PCK2: variants seen among roughly 807,000 people sequenced by gnomAD.
The protein encoded by PCK2 is phosphoenolpyruvate carboxykinase [GTP], mitochondrial.
PCK2 carries 56 observed loss-of-function variants against 65.9 expected under a neutral mutation model. The ratio of observed to expected loss-of-function variants is 0.85; its 90% CI spans 0.69 to 1.06. The LOEUF (loss-of-function observed/expected upper bound fraction) is 1.06, where lower values mean the gene tolerates loss of function less well. Among genes scored for constraint, PCK2 ranks in the 50% least tolerant of loss-of-function variants. The pLI, the probability that PCK2 is intolerant of heterozygous loss-of-function variation, is 0.00. For synonymous variants in PCK2, 305 were observed against 319.6 expected, an observed-to-expected ratio of 0.95 and a Z score of 0.49; for missense variants, 843 against 863.1, an observed-to-expected ratio of 0.98 and a Z score of 0.29.
chr14:24,094,291 G>A (rs1283835572), upstream of PCK2: 4 of 1,044,046 alleles, frequency 3.8e-6, no homozygotes, highest in African/African-American at 1.7e-5. The surrounding 1 kb of genome is among the most constrained non-coding windows in gnomAD (Gnocchi z 4.1). Flanking sequence ...CTTTTTAAGC[G>A]CCTCCCGCCA....
At chr14:24,098,998 C>A (rs1404938515) in intron 4 of PCK2, 51 bp from the exon 5 acceptor site, 3 of 1,436,854 alleles carry the variant, frequency 2.1e-6, no homozygotes, top group East Asian at 4.6e-5. Flanking sequence ...GGCCCCGACA[C>A]CCCAGTTCCT....
At position 24,094,322 on chromosome 14, in the gene PCK2, C is replaced by T. The variant is rs2138918336; in HGVS notation, c.-84C>T. 1 of 1,376,080 alleles carries T rather than the reference C, an allele frequency of 7.3e-7. No homozygotes were observed. Among genetic ancestry groups the T allele is most frequent in the East Asian group, 2.6e-5 (1 of 38,140 alleles). 85.2% of individuals were successfully genotyped at this position (1,376,080 alleles called of 1,614,324 possible). ...CGCCAGCCTCTGCTGTGGCTCGCTT[C>T]GCCGCGCTCCCTCCTTCCCCGCCTT... On this transcript the variant is annotated 5_prime_UTR_variant, in exon 1 of 10. Transcript: ENST00000216780. This position sits in a 1 kb window ranked among gnomAD's most constrained non-coding sequence, Gnocchi z 4.1.
In PCK2 at chr14:24,094,928, TG is replaced by T; in HGVS notation, c.29+496del. The stretch of plus-strand genomic sequence containing the variant: ...TATCCATTCCCGGCCTCTCCCGGAC[TG>T]GAAGGACTGGAACCTGGCGGGAAGT... On this transcript the variant is annotated intron_variant, in intron 1 of 9. Transcript: ENST00000216780. The surrounding 1 kb of genome is among the most constrained non-coding windows in gnomAD (Gnocchi z 4.1). 1.8e-6 allele frequency: 2 copies of T among 1,085,428 alleles called. No homozygotes were observed. The highest frequency in any genetic ancestry group is 2.5e-6 in the Non-Finnish European group (2 of 809,200). 67.2% of individuals were successfully genotyped at this position (1,085,428 alleles called of 1,614,324 possible). A position where few individuals can be genotyped will look rare whatever the true frequency, so the allele number is the denominator to read the frequency against.
chr14:24,099,288 G>A (rs2037053519), intron 5 of PCK2, 52 bp downstream of exon 5: 1 of 1,522,436 alleles, frequency 6.6e-7, no homozygotes, highest in Non-Finnish European at 8.9e-7. Flanking sequence ...GCAGGGGTGG[G>A]GCCTGGCCAG....
chr14:24,099,508 C>T (rs780441442), intron 5 of PCK2, 50 bp from the exon 6 acceptor site: 2 of 1,523,084 alleles, frequency 1.3e-6, no homozygotes, highest in East Asian at 2.3e-5. Flanking sequence ...GCAGACCATG[C>T]CCTGACTTTT....
intron 2 of PCK2, 150 bp downstream of exon 2, chr14:24,097,287 A>G: frequency 1.3e-6 from 1 of 750,462 alleles, no homozygotes; most frequent in East Asian, 2.7e-5. Flanking sequence ...GGATTTGCTT[A>G]CGCCTATAAT....
At chr14:24,096,863 C>T (rs992061613) in intron 1 of PCK2, 29 bp from the exon 2 acceptor site, 1 of 1,598,500 alleles carries the variant, frequency 6.3e-7, no homozygotes, top group Admixed American at 1.7e-5. Flanking sequence ...ATGACAGCAA[C>T]TAGCTCATTG....
intron 1 of PCK2, chr14:24,095,489 G>A (rs1273549901): frequency 6.5e-6 from 2 of 309,982 alleles, no homozygotes; most frequent in South Asian, 2.6e-5. Flanking sequence ...CCGTATCCAT[G>A]CTCTGAGCTT....
Position 24,098,369 on chromosome 14 carries a change from T to C in PCK2, c.442T>C (p.Phe148Leu). ...ADFQRAVDERFPGCMQGRTMY... is the reference protein window; with the variant it reads ...ADFQRAVDERLPGCMQGRTMY... ...TTTCCAGCGAGCTGTGGATGAGAGG[T>C]TTCCAGGCTGCATGCAGGGTAACCA... The change falls in exon 3 of 10, where the codon TTT (phenylalanine) becomes CTT (leucine). Residue 148 changes from phenylalanine (F) to leucine (L), a missense_variant. By Grantham distance (22) the Phe-to-Leu change is conservative (BLOSUM62 0). Transcript: ENST00000216780. The C allele has an allele frequency of 1.9e-6, 3 of 1,612,326 alleles. No individual in the cohort carries two copies. The highest frequency in any genetic ancestry group is 2.5e-6 in the Non-Finnish European group (3 of 1,178,796).
intron 7 of PCK2, 165 bp downstream of exon 7, chr14:24,100,378 A>G: frequency 1.4e-6 from 2 of 1,404,940 alleles, no homozygotes; most frequent in Non-Finnish European, 1.9e-6. Context: ...TTCATGTCCC[A>G]ACTCCACCAG....
At chr14:24,096,719 C>T (rs1217723793) in intron 1 of PCK2, among the ~76,000 whole-genome samples, 173 bp from the exon 2 acceptor site, 4 of 152,194 alleles carry the variant, frequency 2.6e-5, no homozygotes, top group Admixed American at 2.6e-4. Flanking sequence ...ATAAAGGCTA[C>T]AAGATACATG....
intron 1 of PCK2, among the ~76,000 whole-genome samples, chr14:24,096,228 C>CTTTTTT (rs34592767): frequency 5.1e-4 from 30 of 58,882 alleles, no homozygotes; most frequent in South Asian, 1.0e-3. Context: ...CTACTCATTT[C>CTTTTTT]TTTTTTTTTT....
chr14:24,100,670 A>T lies in PCK2; in HGVS notation c.1234+457A>T, dbSNP rs1041133535. 4.3e-6 allele frequency: 3 copies of T among 695,438 alleles called. No homozygotes were observed. In the African/African-American group the frequency reaches 5.8e-5, roughly 13 times the overall value. The allele number at this position is 695,438 out of a possible 1,614,324, so 43.1% of individuals were successfully genotyped here. ...TCCATAAAGTTTGGCCCATTAGGAAAAGAGGAAAGCTGCCTCCTCTGCTCC... is the reference window on the plus strand; with the variant it reads ...TCCATAAAGTTTGGCCCATTAGGAATAGAGGAAAGCTGCCTCCTCTGCTCC... On this transcript the variant is annotated intron_variant, in intron 7 of 9. Coordinates refer to ENST00000216780, the MANE Select transcript of PCK2 (RefSeq NM_004563.4).
At position 24,098,604 on chromosome 14, in the gene PCK2, C is replaced by T. The variant is rs1223056560; in HGVS notation, c.590C>T (p.Pro197Leu). The part of the protein sequence containing the change: ...SMRIMTRLGT[P>L]VLQALGDGDF... ...CGTATTATGACCCGACTGGGGACAC[C>T]TGTGCTTCAGGCCCTGGGAGATGGT... The change falls in exon 4 of 10, where the codon CCT becomes CTT. Residue 197 changes from proline (P) to leucine (L), a missense_variant. Pro to Leu is a moderately conservative substitution (Grantham distance 98, BLOSUM62 -3). Transcript: ENST00000216780. 6.2e-6 allele frequency: 10 copies of T among 1,613,998 alleles called. No individual in the cohort carries two copies. Among genetic ancestry groups the T allele is most frequent in the Non-Finnish European group, 8.5e-6 (10 of 1,180,024 alleles).
intron 7 of PCK2, 74 bp from the exon 8 acceptor site, chr14:24,102,679 T>G: frequency 8.0e-7 from 1 of 1,250,752 alleles, no homozygotes; most frequent in Non-Finnish European, 1.1e-6. Context: ...CCTGCAAGAA[T>G]GTGTGCCCAT....
Position 24,102,849 on chromosome 14 carries a change from TC to T in PCK2, c.1335del (p.Ile446LeufsTer71). Reference sequence around the variant, plus strand: ...CCAGCCTGGGAGGCCCCAGAGGGTGTCCCCATTGACGCCATCATCTTTGGTG... The same window carrying T: ...CCAGCCTGGGAGGCCCCAGAGGGTGTCCCATTGACGCCATCATCTTTGGTG... ...MDPAWEAPEGVPIDAIIFGGR... is the reference protein window; with the variant it reads ...MDPAWEAPEGXPIDAIIFGGR... On this transcript the variant is annotated frameshift_variant, in exon 8 of 10. Transcript: ENST00000216780. LOFTEE classifies it high-confidence loss of function. 1 of 1,613,950 alleles carries T rather than the reference TC, an allele frequency of 6.2e-7. No homozygotes were observed. The highest frequency in any genetic ancestry group is 1.1e-5 in the South Asian group (1 of 91,064).
chr14:24,102,374 A>G (rs796688537), intron 7 of PCK2, among the ~76,000 whole-genome samples: 7 of 152,370 alleles, frequency 4.6e-5, no homozygotes, highest in African/African-American at 1.7e-4. Flanking sequence ...ATTCATTTAA[A>G]TAATAATCTC....
rs547509983 is a variant in PCK2 at position 24,099,685 on chromosome 14, G to A, written c.980G>A (p.Gly327Glu). 6.2e-7 allele frequency: 1 copy of A among 1,614,140 alleles called. No individual in the cohort carries two copies. Among genetic ancestry groups the A allele is most frequent in the East Asian group, 2.2e-5 (1 of 44,874 alleles). ...CCAGGCTGGAAAGTGGAGTGTGTGG[G>A]GGATGATATTGCTTGGATGAGGTTT... ...ALPGWKVECV[G>E]DDIAWMRFDS... Residue 327 changes from glycine to glutamate, a missense_variant, in exon 6 of 10, where the codon GGG (glycine) becomes GAG (glutamate). Transcript: ENST00000216780.
At chr14:24,095,480 C>G (rs550781644) in intron 1 of PCK2, 2 of 322,898 alleles carry the variant, frequency 6.2e-6, no homozygotes, top group Admixed American at 3.9e-5. Context: ...CTCAAGCTCC[C>G]GTATCCATGC....
Sources: allele counts gnomAD v4.1 joint callset (sites outside exome capture counted in the v4.1 genomes callset), GRCh38; gene constraint gnomAD v4.1.1; non-coding constraint Gnocchi (gnomAD v3.1); transcripts MANE v1.5; gene names NCBI Gene and HGNC (gene_info 2026-07-23, HGNC 2026-07-21).